The following CSMD1 variants were observed in gnomAD, a reference collection of about 807,000 sequenced individuals.
CSMD1 encodes the protein CUB and Sushi multiple domains 1.
A neutral mutation model predicts 417.5 loss-of-function variants in CSMD1; 213 were observed. The observed-to-expected ratio is 0.51, with a 90% CI of 0.46 to 0.57. The LOEUF (loss-of-function observed/expected upper bound fraction) is 0.57. Ranked by LOEUF, CSMD1 falls within the 20% of genes least tolerant of loss-of-function variation. The pLI is 0.00. For missense variants in CSMD1, 6,923 were observed against 4,529.7 expected (o/e 1.53, Z -15.17); for synonymous variants, 2,862 against 1,736.8 (o/e 1.65, Z -16.11).
intron 3 of CSMD1, among the ~76,000 whole-genome samples, chr8:4,332,395 G>T (rs1191398964): frequency 2.6e-5 from 4 of 152,098 alleles, no homozygotes; most frequent in Non-Finnish European, 5.9e-5. Context: ...CATGCGGCAG[G>T]AGGATAGTAT....
intron 1 of CSMD1, among the ~76,000 whole-genome samples, chr8:4,700,561 A>C (rs531863720): frequency 6.6e-6 from 1 of 152,290 alleles, no homozygotes; most frequent in South Asian, 2.1e-4. Flanking sequence ...TGAAAAACTT[A>C]AGTGTGATTT....
chr8:4,140,954 C>G (rs35993122), intron 3 of CSMD1, among the ~76,000 whole-genome samples: 45,392 of 150,936 alleles, frequency 0.3, 8,501 homozygotes, highest in Non-Finnish European at 0.39. Flanking sequence ...AAAAAGTCCT[C>G]GTATCTCAAT....
At chr8:3,730,133 A>C (rs936957522) in intron 6 of CSMD1, among the ~76,000 whole-genome samples, 2 of 152,028 alleles carry the variant, frequency 1.3e-5, no homozygotes, top group African/African-American at 4.8e-5. Context: ...CAAGGAGACA[A>C]TGTGATCATC....
intron 8 of CSMD1, among the ~76,000 whole-genome samples, chr8:3,612,548 T>A (rs1229938220): frequency 3.3e-5 from 5 of 152,144 alleles, no homozygotes; most frequent in African/African-American, 1.2e-4. Flanking sequence ...ATAGAGCATA[T>A]TCTTGCCCAT....
chr8:4,788,357 C>T, intron 1 of CSMD1: 1 of 1,484,922 alleles, frequency 6.7e-7, no homozygotes, highest in Non-Finnish European at 9.3e-7. Context: ...CAGTTATCAC[C>T]TGTCCTCCCC....
chr8:4,293,408 C>A (rs1255926959), intron 3 of CSMD1, among the ~76,000 whole-genome samples: 1 of 152,282 alleles, frequency 6.6e-6, no homozygotes, highest in South Asian at 2.1e-4. Flanking sequence ...GCATTATTAA[C>A]CAAAGCTACG....
At chr8:4,407,607 A>T (rs1796392441) in intron 3 of CSMD1, among the ~76,000 whole-genome samples, 1 of 152,234 alleles carries the variant, frequency 6.6e-6, no homozygotes, top group Non-Finnish European at 1.5e-5. Flanking sequence ...TAGGAATTTC[A>T]GTGTTAAATA....
chr8:3,314,069 A>T (rs1021548938), intron 23 of CSMD1, among the ~76,000 whole-genome samples: 1 of 151,764 alleles, frequency 6.6e-6, no homozygotes, highest in Non-Finnish European at 1.5e-5. Context: ...GAATTGAACA[A>T]TGAGAACACA....
At chr8:3,815,027 A>G (rs1421532758) in intron 5 of CSMD1, among the ~76,000 whole-genome samples, 1 of 152,232 alleles carries the variant, frequency 6.6e-6, no homozygotes, top group Non-Finnish European at 1.5e-5. Context: ...TAAACTAAGC[A>G]ATGGTAGAAG....
At chr8:3,334,267 C>G (rs781618191) in intron 23 of CSMD1, among the ~76,000 whole-genome samples, 5 of 152,142 alleles carry the variant, frequency 3.3e-5, no homozygotes, top group African/African-American at 4.8e-5. Context: ...ATACCCTGCT[C>G]TTCACCTTCA....
rs962981493 is a variant in CSMD1 at position 4,140,412 on chromosome 8, T to C, written c.416-108313A>G. Among the ~76,000 whole-genome samples, 16 of 150,848 alleles carry C rather than the reference T, an allele frequency of 1.1e-4. 2 individuals carry two copies. Among genetic ancestry groups the C allele is most frequent in the African/African-American group, 3.5e-4 (14 of 40,240 alleles). On this transcript the variant is annotated intron_variant, in intron 3 of 69. Coordinates refer to ENST00000635120, the MANE Select transcript of CSMD1 (RefSeq NM_033225.6). ...ACTTCGGAGCCTGAAGCAGGAGAAT[T>C]GCTTGAACCTGGGAAGTGGAGGTTG...
Position 3,277,390 on chromosome 8 carries a change from C to A in CSMD1, c.4153+6754G>T, listed in dbSNP as rs564455485. ...ACGCAGGTGCATGAAGAAGGAAGCC[C>A]GTGAGCAAGGCAGGGCAGCTCAGAC... On this transcript the variant is annotated intron_variant, in intron 26 of 69. Coordinates refer to ENST00000635120, the MANE Select transcript of CSMD1 (RefSeq NM_033225.6). Among the ~76,000 whole-genome samples, 39 of 152,230 alleles carry A rather than the reference C, an allele frequency of 2.6e-4. No individual in the cohort carries two copies. In the Middle Eastern group the frequency reaches 0.01, roughly 40 times the overall value.
intron 22 of CSMD1, among the ~76,000 whole-genome samples, chr8:3,344,431 G>A (rs1222920415): frequency 1.3e-5 from 2 of 152,114 alleles, no homozygotes; most frequent in Non-Finnish European, 2.9e-5. Context: ...TGCACTTCCT[G>A]CACACGTATC....
chr8:3,220,269 TTTTC>T (rs1798125024), intron 28 of CSMD1, among the ~76,000 whole-genome samples: 1 of 152,180 alleles, frequency 6.6e-6, no homozygotes, highest in African/African-American at 2.4e-5. Flanking sequence ...TCCCAGTTTT[TTTTC>T]TCTGTCCCTC....
At chr8:3,341,977 C>T (rs898072388) in intron 23 of CSMD1, among the ~76,000 whole-genome samples, 1 of 152,106 alleles carries the variant, frequency 6.6e-6, no homozygotes, top group Non-Finnish European at 1.5e-5. Context: ...TTTACAAGAG[C>T]TCTTTGAGAC....
chr8:3,437,112 CT>C (rs1476724008), intron 12 of CSMD1, among the ~76,000 whole-genome samples: 2 of 152,136 alleles, frequency 1.3e-5, no homozygotes, highest in Non-Finnish European at 2.9e-5. Context: ...AACTCATTTT[CT>C]TTGCTTGATC....
At chr8:4,019,858 T>C (rs1446018348) in intron 4 of CSMD1, among the ~76,000 whole-genome samples, 1 of 151,536 alleles carries the variant, frequency 6.6e-6, no homozygotes, top group Admixed American at 6.6e-5. Context: ...CCCAAACCAT[T>C]TCTCTCCTCA....
chr8:4,527,143 A>G lies in CSMD1; in HGVS notation c.303-107078T>C, dbSNP rs534687704. Reference sequence around the variant, plus strand: ...ACTTAAGATATTTTTCAAGAAAGTTAAGTTACCCAATGACATAAGTGCACA... The same window carrying G: ...ACTTAAGATATTTTTCAAGAAAGTTGAGTTACCCAATGACATAAGTGCACA... On this transcript the variant is annotated intron_variant, in intron 2 of 69. Transcript: ENST00000635120. 5.3e-5 allele frequency among the ~76,000 whole-genome samples: 8 copies of G among 152,314 alleles called. No homozygotes were observed. In the East Asian group the frequency reaches 1.5e-3, roughly 29 times the overall value.
chr8:4,235,137 C>T, intron 3 of CSMD1, among the ~76,000 whole-genome samples: 1 of 152,100 alleles, frequency 6.6e-6, no homozygotes, highest in South Asian at 2.1e-4. Context: ...AAAAAGACTT[C>T]CTCCGTCTCC....
Sources: gnomAD v4.1 joint callset for allele counts (sites outside exome capture counted in the v4.1 genomes callset) on GRCh38, gnomAD v4.1.1 for gene constraint, MANE v1.5 for transcripts, NCBI Gene and HGNC (gene_info 2026-07-23, HGNC 2026-07-21) for gene names.